The following CHD1 variants were observed in gnomAD, a reference collection of about 807,000 sequenced individuals.
CHD1 encodes ATP-dependent chromatin remodeler CHD1.
In CHD1, 36 loss-of-function variants were observed where a neutral mutation model predicts 224.2. That is an observed-to-expected ratio of 0.16 (90% CI 0.12 to 0.21). CHD1 has a LOEUF of 0.21. Ranked by LOEUF, CHD1 falls within the 10% of genes least tolerant of loss-of-function variation. The probability of loss-of-function intolerance (pLI) is 1.00; values close to 1 mark genes in which losing one functional copy is unlikely to be tolerated. For missense variants in CHD1, 1,378 were observed against 1,994.8 expected, an observed-to-expected ratio of 0.69 and a Z score of 5.89; for synonymous variants, 668 against 658.3, an observed-to-expected ratio of 1.01 and a Z score of -0.23.
At chr5:98,906,432 AT>A (rs575273187) in intron 2 of CHD1, among the ~76,000 whole-genome samples, 2 of 152,150 alleles carry the variant, frequency 1.3e-5, no homozygotes, top group East Asian at 1.9e-4. Context: ...ATATTAAAAG[AT>A]TTTTTTTCCT....
At chr5:98,881,453 G>T in intron 20 of CHD1, 78 bp from the exon 21 acceptor site, 1 of 648,314 alleles carries the variant, frequency 1.5e-6, no homozygotes, top group Non-Finnish European at 2.6e-6. Context: ...ATTAATTACT[G>T]ACATTTTCAC....
intron 22 of CHD1, among the ~76,000 whole-genome samples, chr5:98,880,518 C>G (rs1750098604): frequency 6.6e-6 from 1 of 152,140 alleles, no homozygotes; most frequent in Admixed American, 6.6e-5. Context: ...GAGAAAACAG[C>G]TAAGATGTAG....
At chr5:98,897,362 T>C (rs765491170) in intron 10 of CHD1, 42 bp from the exon 11 acceptor site, 1 of 1,335,668 alleles carries the variant, frequency 7.5e-7, no homozygotes, top group South Asian at 1.3e-5. Flanking sequence ...TTATTAAATA[T>C]AAGAAATTAT....
In CHD1 at chr5:98,863,494, A is replaced by G; in HGVS notation, c.4341T>C (p.Thr1447=). The change falls in exon 32 of 36, where the codon ACT becomes ACC. Residue 1447 remains threonine (T), a synonymous_variant. Coordinates refer to ENST00000614616, the MANE Select transcript of CHD1 (RefSeq NM_001270.4). Reference sequence around the variant, plus strand: ...CTCCAATTTTTATTAAACATTGTCTAGTATGCTCTAGTTGTTCTCTTTCTG... The same window carrying G: ...CTCCAATTTTTATTAAACATTGTCTGGTATGCTCTAGTTGTTCTCTTTCTG... ...GLSEREQLEH[T]RQCLIKIGDH... 6.2e-7 allele frequency: 1 copy of G among 1,608,910 alleles called. No individual in the cohort carries two copies.
intron 20 of CHD1, 110 bp from the exon 21 acceptor site, chr5:98,881,485 A>G (rs1750183292): frequency 1.8e-6 from 1 of 561,970 alleles, no homozygotes; most frequent in Non-Finnish European, 3.1e-6. Flanking sequence ...TTACATGAAG[A>G]AGTTAGACAA....
Position 98,889,201 on chromosome 5 carries a change from CT to C in CHD1, c.2217del (p.Gly740ValfsTer10). On this transcript the variant is annotated frameshift_variant, in exon 16 of 36. Transcript: ENST00000614616. LOFTEE classifies it high-confidence loss of function. ...AAGCCTGAGGTACTGCCCTTGGAAC[CT>C]TTGCTGAGGGCTTTGTAATTCCTAG... is the stretch of plus-strand genomic sequence containing the variant. Reference protein sequence around the residue: ...ILTRNYKALSKGSKGSTSGFL... With the variant: ...ILTRNYKALSXGSKGSTSGFL... 1 of 1,605,146 alleles carries C rather than the reference CT, an allele frequency of 6.2e-7. No individual in the cohort carries two copies. The highest frequency in any genetic ancestry group is 8.5e-7 in the Non-Finnish European group (1 of 1,175,774).
intron 2 of CHD1, among the ~76,000 whole-genome samples, chr5:98,917,794 TTC>T (rs546791135): frequency 1.6e-3 from 245 of 152,316 alleles, no homozygotes; most frequent in African/African-American, 5.4e-3. Context: ...CCAAAGAAAC[TTC>T]TGAGTGCAAT....
intron 17 of CHD1, chr5:98,885,971 A>G: frequency 4.4e-6 from 1 of 226,032 alleles, no homozygotes; most frequent in Non-Finnish European, 8.6e-6. Flanking sequence ...ATGATATACT[A>G]TGTTATACTC....
At position 98,901,348 on chromosome 5, in the gene CHD1, T is replaced by TA; in HGVS notation, c.438-14_438-13insT. On this transcript the variant is annotated splice_polypyrimidine_tract_variant and intron_variant, in intron 5 of 35. Transcript: ENST00000614616. ...TTGCCAATCTTCACTGCAGACAAAA[T>TA]TTATAAAGTATTTTTATTTGTACTT... The TA allele has an allele frequency of 6.3e-7, 1 of 1,590,248 alleles. No homozygotes were observed. The highest frequency in any genetic ancestry group is 8.5e-7 in the Non-Finnish European group (1 of 1,172,796).
intron 3 of CHD1, among the ~76,000 whole-genome samples, 176 bp from the exon 4 acceptor site, chr5:98,904,084 CTA>C (rs1451698850): frequency 6.6e-6 from 1 of 151,944 alleles, no homozygotes. Context: ...ATGCTGAGCT[CTA>C]GTTATGTATA....
At chr5:98,879,240 AAAAAG>A (rs368644857) in intron 23 of CHD1, among the ~76,000 whole-genome samples, 11 of 152,336 alleles carry the variant, frequency 7.2e-5, no homozygotes, top group East Asian at 3.9e-4. Context: ...TCACCAAAGA[AAAAAG>A]AAAAGAAAAG....
intron 5 of CHD1, among the ~76,000 whole-genome samples, chr5:98,902,297 T>C (rs1360260899): frequency 6.6e-6 from 1 of 152,026 alleles, no homozygotes; most frequent in Non-Finnish European, 1.5e-5. Context: ...GCATTAAAAA[T>C]GCATGAATCT....
Position 98,896,328 on chromosome 5 carries a change from T to C in CHD1, c.1608A>G (p.Val536=). Residue 536 remains valine, a synonymous_variant, in exon 12 of 36, where the codon GTA becomes GTG. Coordinates refer to ENST00000614616, the MANE Select transcript of CHD1 (RefSeq NM_001270.4). The part of the protein sequence containing the change: ...EHQLYGPFLL[V]VPLSTLTSWQ... ...AGGAAGTAAGAGTGGAGAGCGGTAC[T>C]ACCAATAAAAAAGGTCCATATAATT... is the stretch of plus-strand genomic sequence containing the variant. 5.0e-6 allele frequency: 8 copies of C among 1,613,720 alleles called. No individual in the cohort carries two copies. Among genetic ancestry groups the C allele is most frequent in the Non-Finnish European group, 6.8e-6 (8 of 1,179,644 alleles).
chr5:98,922,916 T>C (rs577063980), intron 2 of CHD1, among the ~76,000 whole-genome samples: 1 of 152,018 alleles, frequency 6.6e-6, no homozygotes, highest in East Asian at 1.9e-4. Flanking sequence ...TTGAACTCGG[T>C]AGGCGGAGGA....
At chr5:98,872,250 G>A (rs1749405460) in intron 27 of CHD1, 49 bp from the exon 28 acceptor site, 16 of 1,552,518 alleles carry the variant, frequency 1.0e-5, no homozygotes, top group Non-Finnish European at 1.4e-5. Flanking sequence ...TGCCTTAACT[G>A]AAAAATTAAT....
chr5:98,925,583 G>A (rs1049501849), intron 2 of CHD1, among the ~76,000 whole-genome samples: 1 of 152,038 alleles, frequency 6.6e-6, no homozygotes, highest in African/African-American at 2.4e-5. Flanking sequence ...ATAACTACAT[G>A]GATTGTAAAC....
Position 98,873,702 on chromosome 5 carries a change from A to T in CHD1, c.3462T>A (p.Asp1154Glu), listed in dbSNP as rs772437174. 1 of 1,610,162 alleles carries T rather than the reference A, an allele frequency of 6.2e-7. No individual in the cohort carries two copies. Among genetic ancestry groups the T allele is most frequent in the South Asian group, 1.1e-5 (1 of 90,084 alleles). Residue 1154 changes from aspartate (D) to glutamate (E), a missense_variant, in exon 26 of 36, where the codon GAT (aspartate) becomes GAA (glutamate). By Grantham distance (45) the Asp-to-Glu change is conservative. Coordinates refer to ENST00000614616, the MANE Select transcript of CHD1 (RefSeq NM_001270.4). ...TTTCTGACTTATCAACTAACTCAGC[A>T]TCTCGAGCAATTGCATCTAATCTGT... ...PLERLDAIARDAELVDKSETD... is the reference protein window; with the variant it reads ...PLERLDAIAREAELVDKSETD...
intron 15 of CHD1, among the ~76,000 whole-genome samples, chr5:98,891,312 A>G (rs1266911254): frequency 6.6e-6 from 1 of 152,124 alleles, no homozygotes; most frequent in East Asian, 1.9e-4. Flanking sequence ...TTGAGGCTCA[A>G]GTGATCTGTC....
chr5:98,899,030 G>A (rs1041615080), intron 8 of CHD1, among the ~76,000 whole-genome samples: 2 of 152,166 alleles, frequency 1.3e-5, no homozygotes, highest in Admixed American at 6.5e-5. Flanking sequence ...TTTACCTTGA[G>A]ATGGAATAAA....
Sources: gnomAD v4.1 joint callset for allele counts (sites outside exome capture counted in the v4.1 genomes callset) on GRCh38, gnomAD v4.1.1 for gene constraint, MANE v1.5 for transcripts, NCBI Gene and HGNC (gene_info 2026-07-23, HGNC 2026-07-21) for gene names.